EPHA6: variants seen among roughly 807,000 people sequenced by gnomAD.
EPHA6 encodes the protein EPH receptor A6, also known as ephrin type-A receptor 6.
EPHA6 carries 50 observed loss-of-function variants against 112.0 expected under a neutral mutation model. That is an observed-to-expected ratio of 0.45 (90% CI 0.36 to 0.56). The LOEUF (loss-of-function observed/expected upper bound fraction) is 0.56, where lower values mean the gene tolerates loss of function less well. Ranked by LOEUF, EPHA6 falls within the 20% of genes least tolerant of loss-of-function variation. The pLI is 0.00. For missense variants in EPHA6, 1,280 were observed against 1,417.4 expected (o/e 0.90, Z 1.56); for synonymous variants, 529 against 490.7 (o/e 1.08, Z -1.03).
intron 2 of EPHA6, among the ~76,000 whole-genome samples, chr3:96,968,602 G>T (rs528923116): frequency 6.6e-6 from 1 of 151,598 alleles, no homozygotes; most frequent in Admixed American, 6.6e-5. Flanking sequence ...AAGTACATTG[G>T]ATCCATATAA....
rs561409891 is a variant in EPHA6, at chr3:97,190,167, A to G, written c.1115-36097A>G. On this transcript the variant is annotated intron_variant, in intron 3 of 17. Coordinates refer to ENST00000389672, the MANE Select transcript of EPHA6 (RefSeq NM_001080448.3). ...CATACTACACTTTGAAAGGAACAGT[A>G]TACAGCAACCACCCTTTACTTGTAG... Among the ~76,000 whole-genome samples the G allele has an allele frequency of 3.9e-5, 6 of 152,292 alleles. No individual in the cohort carries two copies. In the South Asian group the frequency reaches 8.3e-4, roughly 21 times the overall value.
chr3:96,876,799 T>A (rs1299678463), intron 2 of EPHA6, among the ~76,000 whole-genome samples: 1 of 152,166 alleles, frequency 6.6e-6, no homozygotes, highest in Non-Finnish European at 1.5e-5. Flanking sequence ...CCACTTTCTC[T>A]ATCTCACTTT....
intron 16 of EPHA6, among the ~76,000 whole-genome samples, chr3:97,747,058 T>C (rs1483925917): frequency 6.6e-6 from 1 of 151,814 alleles, no homozygotes; most frequent in Non-Finnish European, 1.5e-5. Context: ...GATGGGCTAT[T>C]CCTTAAGTTT....
intron 2 of EPHA6, among the ~76,000 whole-genome samples, chr3:96,940,911 A>T (rs1205932229): frequency 6.6e-6 from 1 of 152,198 alleles, no homozygotes; most frequent in Non-Finnish European, 1.5e-5. Context: ...TTCTTTAAGA[A>T]TGTTGGATAT....
intron 2 of EPHA6, among the ~76,000 whole-genome samples, chr3:96,926,719 C>T (rs1432643000): frequency 2.0e-5 from 3 of 152,222 alleles, no homozygotes; most frequent in African/African-American, 7.2e-5. Flanking sequence ...TCTTCTTTGA[C>T]TTTATGTCTC....
chr3:97,240,128 G>GAT (rs2078800875), intron 4 of EPHA6, among the ~76,000 whole-genome samples: 1 of 151,702 alleles, frequency 6.6e-6, no homozygotes, highest in South Asian at 2.1e-4. Flanking sequence ...AAAACATATA[G>GAT]ATAGAGAAAG....
intron 15 of EPHA6, among the ~76,000 whole-genome samples, chr3:97,727,456 G>C (rs190709339): frequency 1.3e-5 from 2 of 152,128 alleles, no homozygotes; most frequent in Non-Finnish European, 2.9e-5. Flanking sequence ...TTATGGGTCA[G>C]TCTTTCAGCC....
intron 2 of EPHA6, among the ~76,000 whole-genome samples, chr3:96,972,315 T>C (rs965280437): frequency 1.3e-5 from 2 of 152,100 alleles, no homozygotes; most frequent in African/African-American, 4.8e-5. Flanking sequence ...GAAATAAATT[T>C]ATGCCTTAAT....
intron 3 of EPHA6, among the ~76,000 whole-genome samples, chr3:97,025,734 G>T (rs927998849): frequency 6.6e-6 from 1 of 152,136 alleles, no homozygotes; most frequent in Non-Finnish European, 1.5e-5. Flanking sequence ...GACTGCAGGT[G>T]CACACCACCA....
At chr3:97,297,601 G>A (rs962105567) in intron 5 of EPHA6, among the ~76,000 whole-genome samples, 1 of 151,968 alleles carries the variant, frequency 6.6e-6, no homozygotes, top group African/African-American at 2.4e-5. Context: ...AATAAAGTTG[G>A]TTTTTCTAGA....
At chr3:97,572,963 A>G (rs2093349074) in intron 11 of EPHA6, among the ~76,000 whole-genome samples, 2 of 152,328 alleles carry the variant, frequency 1.3e-5, no homozygotes, top group African/African-American at 2.4e-5. Flanking sequence ...TCCAAAGCTC[A>G]TGCTCTTTGA....
chr3:96,974,912 G>A lies in EPHA6; in HGVS notation c.451-12418G>A, dbSNP rs145053505. ...ATAGGAGGAAATGAGAACAAGGCCC[G>A]GAAAGAAGTTTATTATACTCATAAG... is the stretch of plus-strand genomic sequence containing the variant. On this transcript the variant is annotated intron_variant, in intron 2 of 17. Transcript: ENST00000389672. Among the ~76,000 whole-genome samples, 753 of 152,122 alleles carry A rather than the reference G, an allele frequency of 4.9e-3. 5 individuals are homozygous for A. Among genetic ancestry groups the A allele is most frequent in the Non-Finnish European group, 9.0e-3 (611 of 67,992 alleles).
intron 3 of EPHA6, among the ~76,000 whole-genome samples, chr3:97,021,213 T>C (rs544435672): frequency 1.3e-5 from 2 of 152,364 alleles, no homozygotes; most frequent in Admixed American, 1.3e-4. Context: ...TCCACATTTG[T>C]GCCCCAACTA....
chr3:96,894,829 A>C (rs1224801057), intron 2 of EPHA6, among the ~76,000 whole-genome samples: 27 of 152,152 alleles, frequency 1.8e-4, no homozygotes, highest in Admixed American at 1.7e-3. Context: ...AAAGCAAAGG[A>C]AAGTGCAGGA....
Position 97,383,025 on chromosome 3 carries a change from A to G in EPHA6, c.1607-22125A>G, listed in dbSNP as rs142065212. ...TAAGGTATCATCTGGTCCCCAAAAAAGTGCCACATTAATTTTTGAAGTCAT... is the reference window on the plus strand; with the variant it reads ...TAAGGTATCATCTGGTCCCCAAAAAGGTGCCACATTAATTTTTGAAGTCAT... On this transcript the variant is annotated intron_variant, in intron 5 of 17. Transcript: ENST00000389672. Among the ~76,000 whole-genome samples the G allele has an allele frequency of 3.4e-3, 519 of 152,154 alleles. 3 individuals are homozygous for G. The highest frequency in any genetic ancestry group is 0.011 in the African/African-American group (457 of 41,566).
intron 5 of EPHA6, among the ~76,000 whole-genome samples, chr3:97,365,778 C>T (rs1196650616): frequency 6.6e-6 from 1 of 152,094 alleles, no homozygotes; most frequent in Non-Finnish European, 1.5e-5. Context: ...TAAACAATTC[C>T]TGACTGAATT....
At chr3:97,731,233 G>A (rs753402665) in intron 15 of EPHA6, among the ~76,000 whole-genome samples, 5 of 152,038 alleles carry the variant, frequency 3.3e-5, no homozygotes, top group East Asian at 1.9e-4. Context: ...CTCCCTGACC[G>A]CTAACTTGAA....
chr3:97,270,378 G>C (rs2079839095), intron 5 of EPHA6, among the ~76,000 whole-genome samples: 1 of 152,118 alleles, frequency 6.6e-6, no homozygotes. Flanking sequence ...TGTGGGTTAA[G>C]AAATCTTTTT....
chr3:97,644,387 G>C (rs1434925146), intron 14 of EPHA6, among the ~76,000 whole-genome samples: 1 of 148,158 alleles, frequency 6.7e-6, no homozygotes, highest in Non-Finnish European at 1.5e-5. Flanking sequence ...AACTAGAAAA[G>C]CAAGAGCAAA....
Sources: allele counts gnomAD v4.1 joint callset (sites outside exome capture counted in the v4.1 genomes callset), GRCh38; gene constraint gnomAD v4.1.1; transcripts MANE v1.5; gene names NCBI Gene and HGNC (gene_info 2026-07-23, HGNC 2026-07-21).